The following MCM7 variants were observed in gnomAD, a reference collection of about 807,000 sequenced individuals.
MCM7 encodes the protein minichromosome maintenance complex component 7, also known as DNA replication licensing factor MCM7.
Under a neutral mutation model 83.5 loss-of-function variants are expected in MCM7, and 95 were observed. The ratio of observed to expected loss-of-function variants is 1.14; its 90% CI spans 0.96 to 1.35. The LOEUF is 1.35. Ranked by LOEUF, MCM7 falls within the 40% of genes most tolerant of loss-of-function variation. The pLI is 0.00. For missense variants in MCM7, 1,087 were observed against 957.4 expected, an observed-to-expected ratio of 1.14 and a Z score of -1.79; for synonymous variants, 461 against 352.7, an observed-to-expected ratio of 1.31 and a Z score of -3.44.
In MCM7 at chr7:100,099,607, A is replaced by T; in HGVS notation, c.258T>A (p.Pro86=). 1.9e-6 allele frequency: 3 copies of T among 1,614,008 alleles called. No homozygotes were observed. The highest frequency in any genetic ancestry group is 2.5e-6 in the Non-Finnish European group (3 of 1,180,018). ...CACTCACTTCCCTCTCCTTGTACTG[A>T]GGCAGCAGCTCTTGTACGGCATCAG... ...LFADAVQELL[P]QYKEREVVNK... The change falls in exon 3 of 15, where the codon CCT becomes CCA. Residue 86 remains proline, a synonymous_variant. Coordinates refer to ENST00000303887, the MANE Select transcript of MCM7 (RefSeq NM_005916.5).
chr7:100,095,358 G>A (rs745402026), intron 12 of MCM7, 29 bp downstream of exon 12: 16 of 1,599,142 alleles, frequency 1.0e-5, no homozygotes, highest in Admixed American at 6.9e-5. Flanking sequence ...CCACGCCAAC[G>A]TTTGCCCACC....
rs753002313 is a variant in MCM7 at position 100,099,220 on chromosome 7, G to A, written c.402-17C>T. The A allele has an allele frequency of 3.1e-6, 5 of 1,614,004 alleles. No individual in the cohort carries two copies. The highest frequency in any genetic ancestry group is 2.2e-5 in the South Asian group (2 of 91,086). The stretch of plus-strand genomic sequence containing the variant: ...TACAGCTCACTAAGGGGAGAAAACA[G>A]TCACAAACAAGATCCTGGAGAACCA... On this transcript the variant is annotated splice_polypyrimidine_tract_variant and intron_variant, in intron 4 of 14. Coordinates refer to ENST00000303887, the MANE Select transcript of MCM7 (RefSeq NM_005916.5).
Position 100,100,672 on chromosome 7 carries a change from G to A in MCM7, c.32-579C>T, listed in dbSNP as rs752356508. 92 of 990,006 alleles carry A rather than the reference G, an allele frequency of 9.3e-5. No homozygotes were observed. The Admixed American group carries it at 9.8e-4, about 11-fold the overall frequency. The allele number at this position is 990,006 out of a possible 1,614,324, so 61.3% of individuals were successfully genotyped here. ...CCACTGCCGCCTTTCCCGGGCCCGA[G>A]CGAAGCTCCGGATCCCAGGCACGCC... is the stretch of plus-strand genomic sequence containing the variant. On this transcript the variant is annotated intron_variant, in intron 1 of 14. Transcript: ENST00000303887.
rs1233200078 is a variant in MCM7 at position 100,096,290 on chromosome 7, C to G, written c.1202-123G>C. 7.3e-6 allele frequency: 7 copies of G among 961,872 alleles called. No homozygotes were observed. The South Asian group carries it at 9.8e-5, about 13-fold the overall frequency. 59.6% of individuals were successfully genotyped at this position (961,872 alleles called of 1,614,324 possible). A position where few individuals can be genotyped will look rare whatever the true frequency, so the allele number is the denominator to read the frequency against. ...GATCATTCCACTCCCTCCACCAGGC[C>G]TTCTTGAGATGCCCGAGGATCTGTG... is the stretch of plus-strand genomic sequence containing the variant. On this transcript the variant is annotated intron_variant, in intron 10 of 14. Transcript: ENST00000303887.
Position 100,099,729 on chromosome 7 carries a change from C to G in MCM7, c.136G>C (p.Val46Leu). The change falls in exon 3 of 15, where the codon GTG (valine) becomes CTG (leucine). Residue 46 changes from valine (V) to leucine (L), a missense_variant. By Grantham distance (32) the Val-to-Leu change is conservative. Transcript: ENST00000303887. ...QLVRLAHREQ[V>L]ALYVDLDDVA... is the part of the protein sequence containing the mutation. ...TCGTCCAGGTCCACATACAGAGCCA[C>G]CTGTTCCCGATGAGCCAGCCGAACC... 1 of 1,614,130 alleles carries G rather than the reference C, an allele frequency of 6.2e-7. No individual in the cohort carries two copies. Among genetic ancestry groups the G allele is most frequent in the Non-Finnish European group, 8.5e-7 (1 of 1,180,026 alleles).
chr7:100,101,003 T>C lies in MCM7; in HGVS notation c.31+261A>G, dbSNP rs541479295. On this transcript the variant is annotated intron_variant, in intron 1 of 14. Coordinates refer to ENST00000303887, the MANE Select transcript of MCM7 (RefSeq NM_005916.5). ...TTTCCCTGTGCAGCCCCCAGCCGGG[T>C]TAGCGCGCCCCCAAGCCCCCAACCC... 6 of 827,470 alleles carry C rather than the reference T, an allele frequency of 7.3e-6. No homozygotes were observed. In the South Asian group the frequency reaches 7.5e-5, roughly 10 times the overall value. 51.3% of individuals were successfully genotyped at this position (827,470 alleles called of 1,614,324 possible). A position where few individuals can be genotyped will look rare whatever the true frequency, so the allele number is the denominator to read the frequency against.
chr7:100,094,566 T>A (rs1459495212), intron 12 of MCM7, among the ~76,000 whole-genome samples: 1 of 152,158 alleles, frequency 6.6e-6, no homozygotes, highest in Non-Finnish European at 1.5e-5. Flanking sequence ...TTATTTCCTA[T>A]TTTTTTCGGG....
chr7:100,095,569 T>C (rs1795582314), intron 11 of MCM7, 99 bp from the exon 12 acceptor site: 1 of 1,324,790 alleles, frequency 7.5e-7, no homozygotes, highest in East Asian at 2.4e-5. Flanking sequence ...CCTCACAGTG[T>C]AGGAGGGACA....
intron 5 of MCM7, 138 bp from the exon 6 acceptor site, chr7:100,098,853 CAACA>C (rs1795782334): frequency 5.1e-6 from 7 of 1,369,318 alleles, no homozygotes; most frequent in South Asian, 2.7e-5. Flanking sequence ...TCTGGGTCAA[CAACA>C]AACACCCAGA....
Position 100,097,762 on chromosome 7 carries a change from G to A in MCM7, c.986-17C>T, listed in dbSNP as rs1795718032. 4.3e-6 allele frequency: 7 copies of A among 1,614,038 alleles called. No individual in the cohort carries two copies. The highest frequency in any genetic ancestry group is 2.2e-5 in the East Asian group (1 of 44,882). On this transcript the variant is annotated splice_polypyrimidine_tract_variant and intron_variant, in intron 8 of 14. Transcript: ENST00000303887. ...AATCCTCCTCTGTAGAGAAGTTAAGGTTGTTTTATTTTCTGGGGGAAAAGG... is the reference window on the plus strand; with the variant it reads ...AATCCTCCTCTGTAGAGAAGTTAAGATTGTTTTATTTTCTGGGGGAAAAGG...
Position 100,098,560 on chromosome 7 carries a change from C to T in MCM7, c.720+18G>A. The T allele has an allele frequency of 1.2e-6, 2 of 1,613,990 alleles. No individual in the cohort carries two copies. Among genetic ancestry groups the T allele is most frequent in the Non-Finnish European group, 1.7e-6 (2 of 1,179,890 alleles). On this transcript the variant is annotated intron_variant, in intron 6 of 14. Transcript: ENST00000303887. ...GACTCCCGATCCACCTGCCCAGGGC[C>T]ACGTACCCCAAACTCACATGTTCTT...
chr7:100,100,863 G>A, intron 1 of MCM7: 3 of 1,034,132 alleles, frequency 2.9e-6, no homozygotes, highest in Non-Finnish European at 3.5e-6. Context: ...CCCGCCCCCG[G>A]GGCCTACGCG....
At chr7:100,093,992 C>T (rs767002317) in intron 13 of MCM7, 181 bp downstream of exon 13, 2 of 827,366 alleles carry the variant, frequency 2.4e-6, no homozygotes, top group Non-Finnish European at 4.3e-6. Context: ...GCTGTGCGTG[C>T]CCTGCTGGAG....
At chr7:100,093,490 G>A in intron 13 of MCM7, 89 bp from the exon 14 acceptor site, 1 of 1,202,246 alleles carries the variant, frequency 8.3e-7, no homozygotes, top group South Asian at 1.2e-5. Flanking sequence ...TTTAAGGCTG[G>A]GCAGCCCATG....
Position 100,099,126 on chromosome 7 carries a change from A to C in MCM7, c.479T>G (p.Leu160Trp), listed in dbSNP as rs1795798067. Residue 160 changes from leucine (L) to tryptophan (W), a missense_variant, in exon 5 of 15, where the codon TTG becomes TGG. Physicochemically the swap from Leu to Trp is moderately conservative, Grantham distance 61. Coordinates refer to ENST00000303887, the MANE Select transcript of MCM7 (RefSeq NM_005916.5). ...REVRADSVGKLVTVRGIVTRV... is the reference protein window; with the variant it reads ...REVRADSVGKWVTVRGIVTRV... ...AGTGACGATTCCACGCACAGTTACC[A>C]ACTTCCCCACAGAGTCAGCCCGCAC... 1 of 1,613,988 alleles carries C rather than the reference A, an allele frequency of 6.2e-7. No homozygotes were observed. Among genetic ancestry groups the C allele is most frequent in the Admixed American group, 1.7e-5 (1 of 59,990 alleles).
intron 13 of MCM7, 175 bp from the exon 14 acceptor site, chr7:100,093,576 C>T (rs1436445161): frequency 1.3e-6 from 1 of 784,022 alleles, no homozygotes; most frequent in Non-Finnish European, 2.4e-6. Context: ...CACTGTCAGA[C>T]CGAGACAAGT....
chr7:100,095,871 T>C lies in MCM7; in HGVS notation c.1498A>G (p.Ser500Gly), dbSNP rs1447453302. Residue 500 changes from serine (S) to glycine (G), a missense_variant, in exon 11 of 15, where the codon AGC becomes GGC. Physicochemically the swap from Ser to Gly is moderately conservative, Grantham distance 56. Coordinates refer to ENST00000303887, the MANE Select transcript of MCM7 (RefSeq NM_005916.5). ...PAYGRYNPRR[S>G]LEQNIQLPAA... ...GGTAGCTGTATGTTCTGCTCCAGGCTGCGGCGAGGGTTGTAGCGCCCGTAG... is the reference window on the plus strand; with the variant it reads ...GGTAGCTGTATGTTCTGCTCCAGGCCGCGGCGAGGGTTGTAGCGCCCGTAG... 2 of 1,613,426 alleles carry C rather than the reference T, an allele frequency of 1.2e-6. No individual in the cohort carries two copies. Among genetic ancestry groups the C allele is most frequent in the Non-Finnish European group, 1.7e-6 (2 of 1,179,982 alleles).
chr7:100,095,360 T>C, intron 12 of MCM7, 27 bp downstream of exon 12: 1 of 1,601,162 alleles, frequency 6.2e-7, no homozygotes, highest in South Asian at 1.1e-5. Context: ...ACGCCAACGT[T>C]TGCCCACCCG....
intron 1 of MCM7, chr7:100,100,703 G>A (rs914552297): frequency 6.1e-5 from 60 of 989,294 alleles, no homozygotes; most frequent in Non-Finnish European, 7.1e-5. Context: ...ACGCCCCCCC[G>A]GGCCGCAGCT....
Sources: gnomAD v4.1 joint callset for allele counts (sites outside exome capture counted in the v4.1 genomes callset) on GRCh38, gnomAD v4.1.1 for gene constraint, MANE v1.5 for transcripts, NCBI Gene and HGNC (gene_info 2026-07-23, HGNC 2026-07-21) for gene names.